Variants in BMP1 observed in about 807,000 individuals in gnomAD.
The protein encoded by BMP1 is mammalian tolloid protein.
BMP1 carries 63 observed loss-of-function variants against 116.8 expected under a neutral mutation model. The observed-to-expected ratio is 0.54, with a 90% CI of 0.44 to 0.67. The LOEUF (loss-of-function observed/expected upper bound fraction) is 0.67, where lower values mean the gene tolerates loss of function less well. Ranked by LOEUF, BMP1 falls within the 30% of genes least tolerant of loss-of-function variation. The pLI is 0.00. For missense variants in BMP1, 1,183 were observed against 1,358.9 expected (o/e 0.87, Z 2.04); for synonymous variants, 536 against 533.4 (o/e 1.00, Z -0.07).
chr8:22,173,079 C>T (rs1828327885), intron 1 of BMP1, among the ~76,000 whole-genome samples: 1 of 152,166 alleles, frequency 6.6e-6, no homozygotes, highest in African/African-American at 2.4e-5. Flanking sequence ...AAGGTTAGCT[C>T]CACCGAAGCA....
intron 15 of BMP1, chr8:22,198,993 C>T (rs567576945): frequency 1.1e-5 from 14 of 1,303,492 alleles, no homozygotes; most frequent in Admixed American, 4.5e-5. Context: ...TGCTTACTCT[C>T]GTCTCTTCCT....
Position 22,194,210 on chromosome 8 carries a change from A to G in BMP1, c.1297+36A>G, listed in dbSNP as rs1471717029. On this transcript the variant is annotated intron_variant, in intron 10 of 19. Transcript: ENST00000306385. The surrounding 1 kb of genome is among the most constrained non-coding windows in gnomAD (Gnocchi z 4.5). The stretch of plus-strand genomic sequence containing the variant: ...AGGCGGCGGGCGGGAGGAGTCAGAT[A>G]GGAGGTCTCTGGGCATGGTAAAACA... 1 of 1,589,986 alleles carries G rather than the reference A, an allele frequency of 6.3e-7. No homozygotes were observed.
At chr8:22,209,773 C>T in intron 19 of BMP1, 78 bp downstream of exon 19, 2 of 1,513,030 alleles carry the variant, frequency 1.3e-6, no homozygotes, top group Non-Finnish European at 1.8e-6. Flanking sequence ...AGCCCAGTCT[C>T]CAAGACCTAG....
chr8:22,179,027 C>T lies in BMP1; in HGVS notation c.837-678C>T, dbSNP rs546977550. On this transcript the variant is annotated intron_variant, in intron 6 of 19. Coordinates refer to ENST00000306385, the MANE Select transcript of BMP1 (RefSeq NM_006129.5). The surrounding 1 kb of genome is among the most constrained non-coding windows in gnomAD (Gnocchi z 4.6). ...CCACATCCCACCCCACCCCCTGCTG[C>T]GATCCACCCAGCTGGGTGTGAGTCA... Among the ~76,000 whole-genome samples the T allele has an allele frequency of 2.6e-5, 4 of 152,290 alleles. No homozygotes were observed. The East Asian group carries it at 5.8e-4, about 22-fold the overall frequency.
chr8:22,208,429 G>C (rs1372441027), intron 18 of BMP1, among the ~76,000 whole-genome samples: 1 of 152,234 alleles, frequency 6.6e-6, no homozygotes, highest in Non-Finnish European at 1.5e-5. Context: ...GTCCAGGAGA[G>C]AGACAAGGCA....
intron 1 of BMP1, among the ~76,000 whole-genome samples, chr8:22,166,805 C>T (rs916557058): frequency 3.9e-5 from 6 of 152,172 alleles, no homozygotes; most frequent in South Asian, 2.1e-4. Context: ...TGCTGGGCTG[C>T]GGGTAAACCA....
At chr8:22,177,582 C>T in intron 5 of BMP1, 1 of 747,262 alleles carries the variant, frequency 1.3e-6, no homozygotes, top group Non-Finnish European at 2.5e-6. Flanking sequence ...CTCCACTCTT[C>T]ACTGCTCCTT....
chr8:22,204,429 A>T (rs1489214922), intron 16 of BMP1, among the ~76,000 whole-genome samples: 1 of 152,190 alleles, frequency 6.6e-6, no homozygotes, highest in East Asian at 1.9e-4. Flanking sequence ...TCAGCTTGTA[A>T]ATCTGAGTCG....
chr8:22,202,648 G>T (rs1288770073), intron 16 of BMP1, among the ~76,000 whole-genome samples: 1 of 152,210 alleles, frequency 6.6e-6, no homozygotes, highest in African/African-American at 2.4e-5. Context: ...AGGCATTCAA[G>T]ACCAGCCTGA....
In BMP1 at chr8:22,177,033, C is replaced by A; in HGVS notation, c.624C>A (p.Phe208Leu). 6.2e-7 allele frequency: 1 copy of A among 1,612,950 alleles called. No individual in the cohort carries two copies. The highest frequency in any genetic ancestry group is 8.5e-7 in the Non-Finnish European group (1 of 1,179,602). The change falls in exon 5 of 20, where the codon TTC (phenylalanine) becomes TTA (leucine). Residue 208 changes from phenylalanine to leucine, a missense_variant. Phe to Leu is a conservative substitution (Grantham distance 22, BLOSUM62 0). Around this residue, in one of 4 missense-constraint regions of BMP1, gnomAD observed 956 missense variants for 1,135.2 expected, o/e 0.84. Coordinates refer to ENST00000306385, the MANE Select transcript of BMP1 (RefSeq NM_006129.5). The stretch of plus-strand genomic sequence containing the variant: ...CCATCGGCAAGAACTGTGACAAGTT[C>A]GGCATTGTGGTCCACGAGCTGGGCC... ...AISIGKNCDK[F>L]GIVVHELGHV...
At chr8:22,166,589 A>G (rs1828118992) in intron 1 of BMP1, among the ~76,000 whole-genome samples, 1 of 151,860 alleles carries the variant, frequency 6.6e-6, no homozygotes, top group Non-Finnish European at 1.5e-5. Context: ...CTCATCTCCA[A>G]ATAGCCAGAG....
At chr8:22,180,189 G>A (rs566108347) in intron 7 of BMP1, among the ~76,000 whole-genome samples, 179 bp from the exon 8 acceptor site, 97 of 152,142 alleles carry the variant, frequency 6.4e-4, no homozygotes, top group African/African-American at 1.8e-3. Context: ...GTAGGATGGC[G>A]TGTGCTATAT....
Position 22,179,632 on chromosome 8 carries a change from A to G in BMP1, c.837-73A>G. ...CAGCAGGGTCGTGACTTGTGGGTAC[A>G]GATGGGCATGCCACCCACTCCCTGC... On this transcript the variant is annotated intron_variant, in intron 6 of 19. Transcript: ENST00000306385. The surrounding 1 kb of genome is among the most constrained non-coding windows in gnomAD (Gnocchi z 4.6). 1.2e-6 allele frequency: 2 copies of G among 1,605,034 alleles called. No individual in the cohort carries two copies. Among genetic ancestry groups the G allele is most frequent in the East Asian group, 2.3e-5 (1 of 44,434 alleles).
intron 18 of BMP1, among the ~76,000 whole-genome samples, chr8:22,208,508 G>C (rs1014994245): frequency 2.0e-5 from 3 of 152,222 alleles, no homozygotes; most frequent in African/African-American, 7.2e-5. Flanking sequence ...GGCCTAACTG[G>C]GCATGTGTTG....
At chr8:22,180,011 G>C (rs1480947691) in intron 7 of BMP1, among the ~76,000 whole-genome samples, 182 bp downstream of exon 7, 2 of 152,110 alleles carry the variant, frequency 1.3e-5, no homozygotes, top group Non-Finnish European at 2.9e-5. Context: ...GTAGGCTCAG[G>C]TGGGTGGTCA....
intron 8 of BMP1, among the ~76,000 whole-genome samples, chr8:22,181,289 T>C (rs552780843): frequency 1.4e-3 from 207 of 152,330 alleles, no homozygotes; most frequent in African/African-American, 4.7e-3. Context: ...TGCTGCCACG[T>C]GGGGCTGGCT....
intron 1 of BMP1, among the ~76,000 whole-genome samples, chr8:22,166,243 C>A (rs189807327): frequency 1.3e-5 from 2 of 152,106 alleles, no homozygotes; most frequent in Non-Finnish European, 2.9e-5. Flanking sequence ...CAGAGACCCC[C>A]GCCAAGGCCA....
At chr8:22,201,737 C>T in intron 15 of BMP1, 66 bp from the exon 16 acceptor site, 1 of 1,598,414 alleles carries the variant, frequency 6.3e-7, no homozygotes. Flanking sequence ...GCCTCCACTT[C>T]CCCTGGGGCA....
At chr8:22,174,905 A>C (rs1490260516) in intron 2 of BMP1, among the ~76,000 whole-genome samples, 1 of 152,098 alleles carries the variant, frequency 6.6e-6, no homozygotes, top group African/African-American at 2.4e-5. Context: ...AAGTGCTGGA[A>C]TTACAGGCGT....
Sources: gnomAD v4.1 joint callset for allele counts (sites outside exome capture counted in the v4.1 genomes callset) on GRCh38, gnomAD v4.1.1 for gene constraint, gnomAD v4.1.1 regional missense constraint, Gnocchi (gnomAD v3.1) non-coding constraint, MANE v1.5 for transcripts, NCBI Gene and HGNC (gene_info 2026-07-23, HGNC 2026-07-21) for gene names.